The following SUPT3H variants were observed in gnomAD, a reference collection of about 807,000 sequenced individuals.
SUPT3H encodes the protein transcription initiation protein SPT3 homolog.
In SUPT3H, 44 loss-of-function variants were observed where a neutral mutation model predicts 44.3. That is an observed-to-expected ratio of 0.99 (90% confidence interval 0.78 to 1.28). The LOEUF (loss-of-function observed/expected upper bound fraction) is 1.28. SUPT3H is among the 50% of genes most tolerant of loss of function. The pLI is 0.00. For missense variants in SUPT3H, 380 were observed against 387.1 expected (o/e 0.98, Z 0.15); for synonymous variants, 124 against 125.6 (o/e 0.99, Z 0.09).
At chr6:45,317,227 CAAAAAA>C (rs70996324) in intron 2 of SUPT3H, among the ~76,000 whole-genome samples, 4 of 36,084 alleles carry the variant, frequency 1.1e-4, no homozygotes, top group African/African-American at 2.3e-4. Context: ...GACTCTGTCT[CAAAAAA>C]AAAAAAAAAA....
chr6:45,038,689 A>C (rs892092376), intron 3 of SUPT3H, among the ~76,000 whole-genome samples: 2 of 152,258 alleles, frequency 1.3e-5, no homozygotes, highest in African/African-American at 4.8e-5. Context: ...TTTTAATAAC[A>C]TTAGGAGAAA....
intron 2 of SUPT3H, among the ~76,000 whole-genome samples, chr6:45,214,660 A>G (rs891813053): frequency 6.6e-6 from 1 of 152,166 alleles, no homozygotes; most frequent in African/African-American, 2.4e-5. Context: ...CAGCCTGAGC[A>G]ATACAGTGAG....
At chr6:45,066,319 A>G (rs1793304918) in intron 3 of SUPT3H, among the ~76,000 whole-genome samples, 1 of 150,310 alleles carries the variant, frequency 6.7e-6, no homozygotes, top group East Asian at 2.0e-4. Context: ...TTTCAAAATA[A>G]TAAGAGCTAT....
chr6:45,062,378 C>T (rs913968734), intron 3 of SUPT3H, among the ~76,000 whole-genome samples: 1 of 152,152 alleles, frequency 6.6e-6, no homozygotes, highest in Non-Finnish European at 1.5e-5. Flanking sequence ...GAGACACTAA[C>T]AAATATTACA....
chr6:44,919,058 G>A (rs1272407719), intron 10 of SUPT3H, among the ~76,000 whole-genome samples: 1 of 152,132 alleles, frequency 6.6e-6, no homozygotes. Context: ...CAGTAAGGCT[G>A]GATTTCTGTT....
At chr6:45,244,218 C>T (rs974355431) in intron 2 of SUPT3H, among the ~76,000 whole-genome samples, 7 of 152,200 alleles carry the variant, frequency 4.6e-5, no homozygotes, top group East Asian at 3.9e-4. Flanking sequence ...AGAGATGGCA[C>T]GGCCTCCGTA....
intron 2 of SUPT3H, among the ~76,000 whole-genome samples, chr6:45,296,950 A>G (rs9296457): frequency 0.39 from 56,333 of 143,920 alleles, 11,661 homozygotes; most frequent in East Asian, 0.7. Context: ...AAAAAAAGGA[A>G]GGACTACAAA....
At position 44,840,185 on chromosome 6, in the gene SUPT3H, A is replaced by C. The variant is rs1770717311; in HGVS notation, c.913-10328T>G. ...CCTTTATGTATTCTATTCATGTAGC[A>C]GTCAAATGAAATGTAAACAGGCATT... On this transcript the variant is annotated intron_variant, in intron 10 of 10. Transcript: ENST00000371459. 2.0e-5 allele frequency among the ~76,000 whole-genome samples: 3 copies of C among 152,352 alleles called. No homozygotes were observed. In the South Asian group the frequency reaches 6.2e-4, roughly 32 times the overall value.
At chr6:44,981,751 G>C (rs562467160) in intron 6 of SUPT3H, among the ~76,000 whole-genome samples, 1 of 151,668 alleles carries the variant, frequency 6.6e-6, no homozygotes, top group African/African-American at 2.4e-5. Context: ...GTGGTTCTAC[G>C]TGTATTCTCT....
At chr6:44,909,059 A>G (rs180757589) in intron 10 of SUPT3H, among the ~76,000 whole-genome samples, 6 of 152,198 alleles carry the variant, frequency 3.9e-5, no homozygotes, top group African/African-American at 1.4e-4. Context: ...CTATAAAAAT[A>G]TATCTTTAAT....
chr6:45,305,331 C>A (rs1782822824), intron 2 of SUPT3H, among the ~76,000 whole-genome samples: 1 of 152,180 alleles, frequency 6.6e-6, no homozygotes, highest in African/African-American at 2.4e-5. Context: ...GCTATACCTA[C>A]TGCATTTTAT....
chr6:44,949,304 G>A (rs1348275420), intron 9 of SUPT3H, among the ~76,000 whole-genome samples: 1 of 152,070 alleles, frequency 6.6e-6, no homozygotes, highest in African/African-American at 2.4e-5. Flanking sequence ...ACGAGTTAAT[G>A]GGTGTAGCAC....
intron 10 of SUPT3H, among the ~76,000 whole-genome samples, chr6:44,906,409 T>C (rs7767384): frequency 2.0e-5 from 3 of 152,174 alleles, no homozygotes; most frequent in Non-Finnish European, 4.4e-5. Flanking sequence ...TATTTGACTG[T>C]ATTATGCATT....
At chr6:45,143,877 C>T (rs936934526) in intron 2 of SUPT3H, among the ~76,000 whole-genome samples, 6 of 151,992 alleles carry the variant, frequency 3.9e-5, no homozygotes, top group Non-Finnish European at 8.8e-5. Flanking sequence ...ACAACTGATA[C>T]CACAGAAATA....
At chr6:45,329,754 A>G (rs759342702) in intron 2 of SUPT3H, among the ~76,000 whole-genome samples, 8 of 151,968 alleles carry the variant, frequency 5.3e-5, no homozygotes, top group Non-Finnish European at 1.0e-4. Flanking sequence ...ATTTCAAGTT[A>G]CTGTTGATAC....
chr6:44,840,245 C>T (rs1482951127), intron 10 of SUPT3H, among the ~76,000 whole-genome samples: 1 of 152,196 alleles, frequency 6.6e-6, no homozygotes, highest in East Asian at 1.9e-4. Context: ...AATCTCTATG[C>T]TTAATTCAAG....
At chr6:44,930,354 C>G (rs1456942705) in intron 10 of SUPT3H, among the ~76,000 whole-genome samples, 1 of 150,784 alleles carries the variant, frequency 6.6e-6, no homozygotes, top group East Asian at 1.9e-4. Flanking sequence ...GCATTCCAGC[C>G]TGGGTGACAG....
At chr6:44,943,203 A>T (rs867393900) in intron 9 of SUPT3H, among the ~76,000 whole-genome samples, 2 of 152,178 alleles carry the variant, frequency 1.3e-5, no homozygotes, top group African/African-American at 4.8e-5. Context: ...AATCAAATAG[A>T]AATTTTAGAA....
intron 2 of SUPT3H, among the ~76,000 whole-genome samples, chr6:45,318,655 A>G (rs1785050468): frequency 6.7e-6 from 1 of 149,776 alleles, no homozygotes; most frequent in South Asian, 2.1e-4. Flanking sequence ...TGCAGTAAAT[A>G]ACTAAATAGC....
Sources: gnomAD v4.1 joint callset for allele counts (sites outside exome capture counted in the v4.1 genomes callset) on GRCh38, gnomAD v4.1.1 for gene constraint, MANE v1.5 for transcripts, NCBI Gene and HGNC (gene_info 2026-07-23, HGNC 2026-07-21) for gene names.